The following BABAM2 variants were observed in gnomAD, a reference collection of about 807,000 sequenced individuals.
BABAM2 encodes BRISC and BRCA1-A complex member 2.
A neutral mutation model predicts 54.7 loss-of-function variants in BABAM2; 31 were observed. That is an observed-to-expected ratio of 0.57 (90% CI 0.43 to 0.77). BABAM2 has a LOEUF of 0.77. Ranked by LOEUF, BABAM2 falls within the 30% of genes least tolerant of loss-of-function variation. The pLI is 0.00. For synonymous variants in BABAM2, 167 were observed against 162.9 expected (o/e 1.03, Z -0.19); for missense variants, 364 against 455.8 (o/e 0.80, Z 1.83).
At chr2:28,275,049 A>G (rs979185968) in intron 10 of BABAM2, among the ~76,000 whole-genome samples, 1 of 152,102 alleles carries the variant, frequency 6.6e-6, no homozygotes, top group African/African-American at 2.4e-5. Flanking sequence ...ACTAGTCGGG[A>G]GGGATTAGAT....
intron 7 of BABAM2, among the ~76,000 whole-genome samples, chr2:28,181,524 G>T (rs1675623299): frequency 6.6e-6 from 1 of 152,212 alleles, no homozygotes; most frequent in Non-Finnish European, 1.5e-5. Flanking sequence ...TGTTAACAAT[G>T]TATTGTATAT....
At chr2:27,961,213 T>TC (rs1391768892) in intron 3 of BABAM2, among the ~76,000 whole-genome samples, 3 of 152,160 alleles carry the variant, frequency 2.0e-5, no homozygotes, top group Admixed American at 1.3e-4. Context: ...TAGAGAATAG[T>TC]CCTAAGTGCT....
intron 2 of BABAM2, among the ~76,000 whole-genome samples, chr2:27,897,388 G>C (rs1474585078): frequency 6.6e-6 from 1 of 152,068 alleles, no homozygotes; most frequent in African/African-American, 2.4e-5. Flanking sequence ...GAAAACATCT[G>C]ATATTATCTT....
intron 10 of BABAM2, among the ~76,000 whole-genome samples, chr2:28,273,073 A>G (rs1021523289): frequency 7.9e-5 from 12 of 152,174 alleles, no homozygotes; most frequent in Non-Finnish European, 1.8e-4. Flanking sequence ...CATGGAGCTG[A>G]TACGACGTCC....
intron 11 of BABAM2, among the ~76,000 whole-genome samples, chr2:28,321,504 T>C (rs1482859767): frequency 6.6e-6 from 1 of 151,868 alleles, no homozygotes; most frequent in Non-Finnish European, 1.5e-5. Flanking sequence ...GGCCAGAAAA[T>C]AGGAATCGTG....
At chr2:28,049,096 A>G (rs1677814702) in intron 6 of BABAM2, among the ~76,000 whole-genome samples, 1 of 152,220 alleles carries the variant, frequency 6.6e-6, no homozygotes, top group Non-Finnish European at 1.5e-5. Flanking sequence ...AACTAAGAAT[A>G]CAGTATTTTG....
chr2:28,320,212 G>A (rs192768765), intron 11 of BABAM2, among the ~76,000 whole-genome samples: 3 of 152,360 alleles, frequency 2.0e-5, no homozygotes, highest in Admixed American at 6.5e-5. Context: ...GCAGCGAGCC[G>A]ACAGCAGCCC....
At chr2:28,185,152 C>T (rs1427655817) in intron 7 of BABAM2, among the ~76,000 whole-genome samples, 1 of 152,168 alleles carries the variant, frequency 6.6e-6, no homozygotes, top group Non-Finnish European at 1.5e-5. Context: ...TGCTTGTCAG[C>T]TAAAAAGACC....
chr2:28,244,007 G>A (rs901186266), intron 9 of BABAM2, among the ~76,000 whole-genome samples: 16 of 152,148 alleles, frequency 1.1e-4, no homozygotes, highest in Non-Finnish European at 1.9e-4. Context: ...ACATTATGGC[G>A]ACATCCTCCA....
At chr2:27,940,335 A>G (rs1397278507) in intron 3 of BABAM2, among the ~76,000 whole-genome samples, 3 of 152,172 alleles carry the variant, frequency 2.0e-5, no homozygotes, top group Non-Finnish European at 2.9e-5. Context: ...AAATTATTCC[A>G]TTTGTGTTTT....
chr2:27,892,392 A>G (rs1394356682), intron 1 of BABAM2: 1 of 152,220 alleles, frequency 6.6e-6, no homozygotes, highest in African/African-American at 2.4e-5. Context: ...GAAGCAAGAG[A>G]TAAAGTAATA....
At chr2:28,086,398 T>A (rs1161277790) in intron 6 of BABAM2, among the ~76,000 whole-genome samples, 1 of 152,240 alleles carries the variant, frequency 6.6e-6, no homozygotes, top group Non-Finnish European at 1.5e-5. Flanking sequence ...AATGAATTAA[T>A]TTAGACCTCA....
intron 3 of BABAM2, among the ~76,000 whole-genome samples, chr2:27,985,614 G>T (rs544303035): frequency 6.6e-6 from 1 of 152,092 alleles, no homozygotes; most frequent in African/African-American, 2.4e-5. Context: ...TTCTATTTGT[G>T]CTGTACTTTC....
At chr2:28,064,457 CATA>C (rs1679144425) in intron 6 of BABAM2, among the ~76,000 whole-genome samples, 1 of 152,146 alleles carries the variant, frequency 6.6e-6, no homozygotes, top group South Asian at 2.1e-4. Context: ...AGCAAATTCC[CATA>C]ATAATTTTAG....
chr2:28,287,017 G>C (rs865776830), intron 10 of BABAM2, among the ~76,000 whole-genome samples: 2 of 151,970 alleles, frequency 1.3e-5, no homozygotes, highest in Admixed American at 6.6e-5. Flanking sequence ...CATTGGGGTA[G>C]TCACAATATT....
At chr2:27,992,757 C>T (rs1672868918) in intron 4 of BABAM2, among the ~76,000 whole-genome samples, 1 of 152,134 alleles carries the variant, frequency 6.6e-6, no homozygotes, top group Non-Finnish European at 1.5e-5. Flanking sequence ...TTCTCTTTTG[C>T]TCTTTTGCTC....
At chr2:28,317,510 G>A (rs1008344692) in intron 11 of BABAM2, among the ~76,000 whole-genome samples, 4 of 152,204 alleles carry the variant, frequency 2.6e-5, no homozygotes, top group Non-Finnish European at 4.4e-5. Flanking sequence ...AACACTGAAG[G>A]CAAACCTGAC....
chr2:28,102,433 G>C (rs878984117), intron 6 of BABAM2, among the ~76,000 whole-genome samples: 2 of 152,086 alleles, frequency 1.3e-5, no homozygotes, highest in Admixed American at 1.3e-4. Context: ...AATTTGGAAG[G>C]TGACATAGAG....
intron 1 of BABAM2, chr2:27,892,369 T>G (rs1041830521): frequency 2.6e-5 from 4 of 152,234 alleles, no homozygotes; most frequent in African/African-American, 9.6e-5. Flanking sequence ...TGGTTCTGTT[T>G]CCTTCTTTTG....
Sources: allele counts gnomAD v4.1 joint callset (sites outside exome capture counted in the v4.1 genomes callset), GRCh38; gene constraint gnomAD v4.1.1; transcripts MANE v1.5; gene names NCBI Gene and HGNC (gene_info 2026-07-23, HGNC 2026-07-21).